SCFD2: variants seen among roughly 807,000 people sequenced by gnomAD.
SCFD2 encodes sec1 family domain-containing protein 2.
Under a neutral mutation model 58.9 loss-of-function variants are expected in SCFD2, and 54 were observed. The observed-to-expected ratio is 0.92, with a 90% CI of 0.74 to 1.15. The LOEUF is 1.15. SCFD2 is among the 50% of genes most tolerant of loss of function. The probability of loss-of-function intolerance (pLI) is 0.00; values close to 1 mark genes in which losing one functional copy is unlikely to be tolerated. For synonymous variants in SCFD2, 321 were observed against 335.9 expected, an observed-to-expected ratio of 0.96 and a Z score of 0.49; for missense variants, 805 against 836.6, an observed-to-expected ratio of 0.96 and a Z score of 0.47.
intron 4 of SCFD2, among the ~76,000 whole-genome samples, chr4:53,220,035 A>C (rs577649814): frequency 2.6e-5 from 4 of 151,958 alleles, no homozygotes; most frequent in East Asian, 1.9e-4. Context: ...ACCTAAAACT[A>C]TCTCTCCCCA....
At chr4:53,173,035 A>G (rs987600561) in intron 4 of SCFD2, among the ~76,000 whole-genome samples, 2 of 152,110 alleles carry the variant, frequency 1.3e-5, no homozygotes, top group African/African-American at 4.8e-5. Context: ...CTTCAATGTT[A>G]GGTACAATAT....
At chr4:52,973,401 A>C (rs1488932287) in intron 5 of SCFD2, among the ~76,000 whole-genome samples, 2 of 152,278 alleles carry the variant, frequency 1.3e-5, no homozygotes, top group South Asian at 2.1e-4. Context: ...CTCTATGCAA[A>C]TAAACTAGAA....
intron 5 of SCFD2, among the ~76,000 whole-genome samples, chr4:53,033,947 T>C (rs1279705487): frequency 2.0e-5 from 3 of 152,184 alleles, no homozygotes; most frequent in Non-Finnish European, 4.4e-5. Flanking sequence ...GAGGGAATCC[T>C]CCCTAACTCA....
At chr4:53,249,095 A>C (rs1372494123) in intron 4 of SCFD2, among the ~76,000 whole-genome samples, 2 of 152,248 alleles carry the variant, frequency 1.3e-5, no homozygotes, top group East Asian at 3.9e-4. Context: ...AATAACCAAT[A>C]CAGAGAAGTG....
chr4:53,075,425 A>G (rs771101481), intron 5 of SCFD2, among the ~76,000 whole-genome samples: 3 of 152,176 alleles, frequency 2.0e-5, no homozygotes, highest in Non-Finnish European at 4.4e-5. Flanking sequence ...ATTTCCTTCA[A>G]GAACTTTTCT....
At chr4:53,108,125 G>A (rs992676969) in intron 5 of SCFD2, among the ~76,000 whole-genome samples, 1 of 152,110 alleles carries the variant, frequency 6.6e-6, no homozygotes, top group Non-Finnish European at 1.5e-5. Context: ...AATGACTACT[G>A]GGTAAATAAT....
chr4:53,044,911 C>CT (rs1190806888), intron 5 of SCFD2, among the ~76,000 whole-genome samples: 401 of 11,404 alleles, frequency 0.035, 39 homozygotes, highest in African/African-American at 0.053. Context: ...CCCCAACCCC[C>CT]CCCCCCCGCC....
chr4:52,972,309 G>C (rs1325707640), intron 5 of SCFD2, among the ~76,000 whole-genome samples: 6 of 152,060 alleles, frequency 3.9e-5, no homozygotes, highest in Non-Finnish European at 8.8e-5. Flanking sequence ...TCAAAATAAA[G>C]GGATGGAGGA....
At chr4:53,222,832 CT>C (rs1333607493) in intron 4 of SCFD2, among the ~76,000 whole-genome samples, 1 of 152,182 alleles carries the variant, frequency 6.6e-6, no homozygotes, top group Non-Finnish European at 1.5e-5. Context: ...TTACTGTTAT[CT>C]TTGAAAAGTA....
At chr4:53,162,085 C>T (rs1229048077) in intron 4 of SCFD2, among the ~76,000 whole-genome samples, 2 of 152,074 alleles carry the variant, frequency 1.3e-5, no homozygotes, top group Non-Finnish European at 2.9e-5. Context: ...AAATTCTGCC[C>T]CTAATTACAA....
intron 4 of SCFD2, among the ~76,000 whole-genome samples, chr4:53,226,388 A>C (rs1729216938): frequency 1.3e-5 from 2 of 152,136 alleles, no homozygotes; most frequent in African/African-American, 4.8e-5. Context: ...AACATTATTG[A>C]TGTATAATTG....
chr4:52,879,264 T>G (rs564218259), intron 8 of SCFD2, among the ~76,000 whole-genome samples: 1 of 152,162 alleles, frequency 6.6e-6, no homozygotes, highest in East Asian at 1.9e-4. Context: ...CCCACCAGAA[T>G]ACCTTCCACA....
At chr4:53,215,130 A>G (rs911613846) in intron 4 of SCFD2, among the ~76,000 whole-genome samples, 1 of 152,070 alleles carries the variant, frequency 6.6e-6, no homozygotes, top group Admixed American at 6.5e-5. Context: ...TGACTTGGCA[A>G]TGCAGGCTCT....
intron 3 of SCFD2, among the ~76,000 whole-genome samples, chr4:53,305,965 C>A (rs544310678): frequency 6.6e-6 from 1 of 152,216 alleles, no homozygotes; most frequent in South Asian, 2.1e-4. Context: ...TTTATTAATT[C>A]CGTAAACATT....
chr4:52,985,628 C>T (rs1197290149), intron 5 of SCFD2, among the ~76,000 whole-genome samples: 2 of 131,962 alleles, frequency 1.5e-5, no homozygotes, highest in Non-Finnish European at 3.5e-5. Context: ...GAAAAACTTC[C>T]TTTGGAAGAT....
chr4:53,090,099 G>T (rs946180473), intron 5 of SCFD2, among the ~76,000 whole-genome samples: 1 of 152,148 alleles, frequency 6.6e-6, no homozygotes, highest in African/African-American at 2.4e-5. Flanking sequence ...GCTTTTGAAG[G>T]TTTGTCAGAA....
At chr4:53,258,470 A>T (rs1215282452) in intron 4 of SCFD2, among the ~76,000 whole-genome samples, 3 of 149,546 alleles carry the variant, frequency 2.0e-5, no homozygotes, top group African/African-American at 7.4e-5. Context: ...CTCCAATTCC[A>T]TCAAGGTTGC....
At chr4:53,039,281 T>A (rs1447721285) in intron 5 of SCFD2, among the ~76,000 whole-genome samples, 1 of 152,168 alleles carries the variant, frequency 6.6e-6, no homozygotes, top group Non-Finnish European at 1.5e-5. Context: ...ATTTTTTTCT[T>A]TCTCATCCTT....
intron 3 of SCFD2, among the ~76,000 whole-genome samples, chr4:53,299,863 C>G (rs951435710): frequency 4.6e-5 from 7 of 151,996 alleles, no homozygotes; most frequent in South Asian, 4.2e-4. Flanking sequence ...CATAAGTGAA[C>G]GAGAAATAAA....
Sources: allele counts gnomAD v4.1 joint callset (sites outside exome capture counted in the v4.1 genomes callset), GRCh38; gene constraint gnomAD v4.1.1; transcripts MANE v1.5; gene names NCBI Gene and HGNC (gene_info 2026-07-23, HGNC 2026-07-21).